The following DCC variants were observed in gnomAD, a reference collection of about 807,000 sequenced individuals.
DCC encodes the protein netrin receptor DCC.
In DCC, 58 loss-of-function variants were observed where a neutral mutation model predicts 172.5. The ratio of observed to expected loss-of-function variants is 0.34; its 90% CI spans 0.27 to 0.42. The LOEUF (loss-of-function observed/expected upper bound fraction) is 0.42. Ranked by LOEUF, DCC falls within the 10% of genes least tolerant of loss-of-function variation. DCC has a pLI of 1.00. For synonymous variants in DCC, 709 were observed against 644.5 expected (o/e 1.10, Z -1.52); for missense variants, 1,740 against 1,791.0 (o/e 0.97, Z 0.51).
chr18:53,010,047 C>A (rs942117269), intron 5 of DCC, among the ~76,000 whole-genome samples: 1 of 151,934 alleles, frequency 6.6e-6, no homozygotes, highest in Non-Finnish European at 1.5e-5. Flanking sequence ...ATTGATTAGA[C>A]CCACTCCTGT....
At chr18:52,902,678 TC>T (rs1455761187) in intron 2 of DCC, among the ~76,000 whole-genome samples, 1 of 152,160 alleles carries the variant, frequency 6.6e-6, no homozygotes. Context: ...GTCTATAATT[TC>T]TTCTTCTTTT....
intron 1 of DCC, among the ~76,000 whole-genome samples, chr18:52,570,096 A>G (rs1004278649): frequency 1.3e-5 from 2 of 152,196 alleles, no homozygotes; most frequent in Non-Finnish European, 2.9e-5. Context: ...CACATTGGAC[A>G]TTATTAATTT....
At chr18:52,687,417 T>C (rs1446410383) in intron 1 of DCC, among the ~76,000 whole-genome samples, 1 of 151,714 alleles carries the variant, frequency 6.6e-6, no homozygotes, top group African/African-American at 2.4e-5. Flanking sequence ...CCTGAGTAGC[T>C]GGTATTACAG....
At chr18:52,628,873 T>C (rs1389845995) in intron 1 of DCC, among the ~76,000 whole-genome samples, 1 of 152,180 alleles carries the variant, frequency 6.6e-6, no homozygotes, top group Non-Finnish European at 1.5e-5. Context: ...TTAACCTAAG[T>C]TGGGCATCTG....
chr18:52,785,028 G>A (rs989293786), intron 2 of DCC, among the ~76,000 whole-genome samples: 2 of 151,870 alleles, frequency 1.3e-5, no homozygotes, highest in African/African-American at 4.8e-5. Context: ...TGGAGAAGGT[G>A]GTGTCTGATT....
chr18:53,218,310 A>G (rs925894057), intron 12 of DCC, among the ~76,000 whole-genome samples: 1 of 152,140 alleles, frequency 6.6e-6, no homozygotes, highest in Non-Finnish European at 1.5e-5. Flanking sequence ...TTGCAGAAAG[A>G]TTATTAGGAT....
intron 12 of DCC, among the ~76,000 whole-genome samples, chr18:53,282,170 G>T (rs1184613834): frequency 1.3e-5 from 2 of 152,032 alleles, no homozygotes; most frequent in Non-Finnish European, 2.9e-5. Flanking sequence ...TTCTTTTGTT[G>T]TTTTTGCTTT....
chr18:52,921,086 T>C (rs536257984), intron 3 of DCC, among the ~76,000 whole-genome samples: 2 of 152,250 alleles, frequency 1.3e-5, no homozygotes, highest in South Asian at 2.1e-4. Flanking sequence ...TTATTCCAAA[T>C]GATATGGTAA....
intron 2 of DCC, chr18:52,757,215 T>C (rs1379479598): frequency 6.6e-6 from 1 of 152,202 alleles, no homozygotes; most frequent in African/African-American, 2.4e-5. Context: ...GCGTTTGAGA[T>C]TGAGTGACCT....
intron 2 of DCC, among the ~76,000 whole-genome samples, chr18:52,886,997 C>T (rs2039579787): frequency 6.6e-6 from 1 of 152,224 alleles, no homozygotes; most frequent in Non-Finnish European, 1.5e-5. Context: ...CTGACTGCTT[C>T]AAGATGATAG....
At chr18:52,388,476 A>T (rs1476700630) in intron 1 of DCC, among the ~76,000 whole-genome samples, 1 of 151,498 alleles carries the variant, frequency 6.6e-6, no homozygotes, top group Non-Finnish European at 1.5e-5. Context: ...TTAAACTACT[A>T]TTGCAGAAGC....
intron 7 of DCC, among the ~76,000 whole-genome samples, chr18:53,102,662 A>T (rs764760020): frequency 9.9e-5 from 15 of 152,098 alleles, no homozygotes; most frequent in Non-Finnish European, 2.1e-4. Flanking sequence ...GGTTTGTTCA[A>T]TGCTATGGGC....
At chr18:53,049,425 C>A (rs1247052027) in intron 5 of DCC, among the ~76,000 whole-genome samples, 8 of 152,036 alleles carry the variant, frequency 5.3e-5, no homozygotes, top group African/African-American at 1.9e-4. Flanking sequence ...ATTCCAGGAC[C>A]ATTTATTAAA....
chr18:53,400,141 G>C (rs1019262019), intron 18 of DCC, among the ~76,000 whole-genome samples: 7 of 152,018 alleles, frequency 4.6e-5, no homozygotes, highest in African/African-American at 1.7e-4. Context: ...TAAAATTGTG[G>C]ACAAGTTAAA....
chr18:52,344,178 T>C (rs1598849149), intron 1 of DCC, among the ~76,000 whole-genome samples: 1 of 152,238 alleles, frequency 6.6e-6, no homozygotes, highest in East Asian at 1.9e-4. Flanking sequence ...GTTAACCTCT[T>C]AGCAAACTTC....
At chr18:53,421,530 C>T (rs886140867) in intron 21 of DCC, among the ~76,000 whole-genome samples, 4 of 152,140 alleles carry the variant, frequency 2.6e-5, no homozygotes, top group South Asian at 2.1e-4. Context: ...GTAAACTGCC[C>T]GCCCAACAAG....
chr18:52,543,007 T>C (rs2032505196), intron 1 of DCC, among the ~76,000 whole-genome samples: 1 of 152,172 alleles, frequency 6.6e-6, no homozygotes, highest in Admixed American at 6.5e-5. Context: ...AAACTAGAGG[T>C]TAAGATGAGA....
chr18:52,675,886 A>G (rs1294672244), intron 1 of DCC, among the ~76,000 whole-genome samples: 2 of 152,238 alleles, frequency 1.3e-5, no homozygotes, highest in Non-Finnish European at 2.9e-5. Context: ...GAGGACTAGA[A>G]TAGGATTCAT....
intron 1 of DCC, chr18:52,409,215 C>T (rs542340938): frequency 7.2e-5 from 11 of 152,172 alleles, no homozygotes; most frequent in Admixed American, 3.3e-4. Context: ...GATATCACTA[C>T]GTAAGAGCAA....
Sources: gnomAD v4.1 joint callset for allele counts (sites outside exome capture counted in the v4.1 genomes callset) on GRCh38, gnomAD v4.1.1 for gene constraint, MANE v1.5 for transcripts, NCBI Gene and HGNC (gene_info 2026-07-23, HGNC 2026-07-21) for gene names.